Variants in XYLT1 observed in about 807,000 individuals in gnomAD.
The protein encoded by XYLT1 is beta-D-xylosyltransferase 1.
In XYLT1, 36 loss-of-function variants were observed where a neutral mutation model predicts 91.3. The observed-to-expected ratio is 0.39, with a 90% CI of 0.30 to 0.52. The LOEUF (loss-of-function observed/expected upper bound fraction) is 0.52. Ranked by LOEUF, XYLT1 falls within the 20% of genes least tolerant of loss-of-function variation. The pLI is 0.68. For synonymous variants in XYLT1, 588 were observed against 532.0 expected, an observed-to-expected ratio of 1.11 and a Z score of -1.45; for missense variants, 1,242 against 1,284.5, an observed-to-expected ratio of 0.97 and a Z score of 0.51.
intron 8 of XYLT1, among the ~76,000 whole-genome samples, chr16:17,135,172 A>G (rs1468508129): frequency 6.6e-6 from 1 of 152,166 alleles, no homozygotes; most frequent in Non-Finnish European, 1.5e-5. Flanking sequence ...GCTTCTCTTT[A>G]AACAGCAATA....
chr16:17,336,454 G>A (rs150042626), intron 2 of XYLT1, among the ~76,000 whole-genome samples: 167 of 152,288 alleles, frequency 1.1e-3, no homozygotes, highest in African/African-American at 3.9e-3. Context: ...CCAAAAAGCA[G>A]CAGGCAGGCA....
intron 3 of XYLT1, among the ~76,000 whole-genome samples, chr16:17,230,800 T>G (rs1053319055): frequency 6.6e-6 from 1 of 152,172 alleles, no homozygotes; most frequent in Non-Finnish European, 1.5e-5. Flanking sequence ...GCTAACTCAG[T>G]GGCCCTCAAC....
chr16:17,245,977 G>A (rs1253411586), intron 3 of XYLT1, among the ~76,000 whole-genome samples: 1 of 152,220 alleles, frequency 6.6e-6, no homozygotes, highest in Non-Finnish European at 1.5e-5. Context: ...GACTGTGTGG[G>A]TGGGTCTCAT....
chr16:17,118,024 G>A (rs1420522019), intron 10 of XYLT1, 45 bp from the exon 11 acceptor site: 2 of 1,568,232 alleles, frequency 1.3e-6, no homozygotes, highest in Admixed American at 1.8e-5. Context: ...CCTGAACTAG[G>A]GGGCTAGGTC....
intron 2 of XYLT1, among the ~76,000 whole-genome samples, chr16:17,353,437 G>A (rs1248013488): frequency 6.6e-6 from 1 of 152,204 alleles, no homozygotes; most frequent in African/African-American, 2.4e-5. Context: ...ATGATCAACT[G>A]TCTTGGGGAT....
In XYLT1 at chr16:17,303,830, A is replaced by AT. The variant is rs201749312; in HGVS notation, c.403-44333dup. Among the ~76,000 whole-genome samples, 749 of 152,228 alleles carry AT rather than the reference A, an allele frequency of 4.9e-3. 3 individuals are homozygous for AT. The highest frequency in any genetic ancestry group is 8.5e-3 in the Non-Finnish European group (578 of 68,008). ...CATTCTCCTGATTTTTCAGATGAAG[A>AT]TTTTTTTTCCCATCATTTTGACATT... is the stretch of plus-strand genomic sequence containing the variant. On this transcript the variant is annotated intron_variant, in intron 2 of 11. Coordinates refer to ENST00000261381, the MANE Select transcript of XYLT1 (RefSeq NM_022166.4).
intron 5 of XYLT1, among the ~76,000 whole-genome samples, chr16:17,174,003 C>G (rs1170901249): frequency 6.6e-6 from 1 of 152,072 alleles, no homozygotes; most frequent in Non-Finnish European, 1.5e-5. Context: ...CCCCAGGCTG[C>G]AATGTGCAGT....
chr16:17,116,141 T>C (rs1487525645), intron 11 of XYLT1, among the ~76,000 whole-genome samples: 2 of 152,180 alleles, frequency 1.3e-5, no homozygotes, highest in African/African-American at 2.4e-5. Flanking sequence ...CAGTGGTTTC[T>C]CTAGAGGTAG....
At chr16:17,266,837 C>T (rs912639280) in intron 2 of XYLT1, among the ~76,000 whole-genome samples, 1 of 152,192 alleles carries the variant, frequency 6.6e-6, no homozygotes, top group Admixed American at 6.5e-5. Context: ...CACCTGCTTC[C>T]AAAAGGACCT....
chr16:17,102,494 C>CA lies in XYLT1; in HGVS notation c.*6200dup, dbSNP rs1475897231. 2.0e-5 allele frequency: 3 copies of CA among 152,330 alleles called. No homozygotes were observed. Among genetic ancestry groups the CA allele is most frequent in the East Asian group, 3.9e-4 (2 of 5,190 alleles). The allele number at this position is 152,330 out of a possible 1,614,324, so 9.4% of individuals were successfully genotyped here. On this transcript the variant is annotated 3_prime_UTR_variant, in exon 12 of 12. Transcript: ENST00000261381. ...TCAGACAGAAACAAACTCCCCTAGA[C>CA]AAAAAAATACAGCTAAGGCACAATT...
intron 1 of XYLT1, among the ~76,000 whole-genome samples, chr16:17,449,860 T>G (rs1410256993): frequency 1.3e-5 from 2 of 152,200 alleles, no homozygotes; most frequent in Non-Finnish European, 2.9e-5. Context: ...AATGTCATCT[T>G]AAAGTGGGGT....
chr16:17,167,982 C>T (rs6498667), intron 5 of XYLT1, among the ~76,000 whole-genome samples: 148,679 of 152,320 alleles, frequency 0.98, 72,636 homozygotes, highest in Non-Finnish European at 1. Context: ...AAGGACCTTA[C>T]TGACATCTTC....
At chr16:17,117,146 T>C (rs1195485887) in intron 11 of XYLT1, among the ~76,000 whole-genome samples, 2 of 152,202 alleles carry the variant, frequency 1.3e-5, no homozygotes, top group Non-Finnish European at 2.9e-5. Flanking sequence ...CAAAAACAGG[T>C]AGTGGGCTGG....
chr16:17,156,449 G>A (rs1356698694), intron 6 of XYLT1, among the ~76,000 whole-genome samples: 1 of 152,238 alleles, frequency 6.6e-6, no homozygotes, highest in Non-Finnish European at 1.5e-5. Flanking sequence ...GAATACCAAT[G>A]TCTGAGCCAC....
chr16:17,175,011 A>T (rs2031908202), intron 5 of XYLT1, among the ~76,000 whole-genome samples: 1 of 152,256 alleles, frequency 6.6e-6, no homozygotes, highest in Non-Finnish European at 1.5e-5. Context: ...ACCTCAAGTT[A>T]CCGCCCTCTT....
intron 3 of XYLT1, among the ~76,000 whole-genome samples, chr16:17,255,028 G>C (rs914784757): frequency 9.3e-6 from 1 of 107,222 alleles, no homozygotes; most frequent in African/African-American, 3.8e-5. Flanking sequence ...ATGGAGTCTT[G>C]CTCTGTTGCC....
intron 2 of XYLT1, among the ~76,000 whole-genome samples, chr16:17,263,672 C>T (rs1016784047): frequency 2.0e-5 from 3 of 151,788 alleles, no homozygotes; most frequent in Non-Finnish European, 2.9e-5. Flanking sequence ...GTGACTGCGG[C>T]GTTCTCTCTG....
At chr16:17,403,871 C>T (rs972866193) in intron 1 of XYLT1, among the ~76,000 whole-genome samples, 6 of 152,224 alleles carry the variant, frequency 3.9e-5, no homozygotes, top group African/African-American at 7.2e-5. Flanking sequence ...CCTCCAAGAC[C>T]TCAGGTTCAT....
In XYLT1 at chr16:17,137,316, G is replaced by GGA. The variant is rs200277368; in HGVS notation, c.1764+1037_1764+1038dup. ...CAATGCCCACACAGCCCGGCACAGA[G>GGA]GAGATCAAACACAAACAAACAGCAT... is the stretch of plus-strand genomic sequence containing the variant. On this transcript the variant is annotated intron_variant, in intron 8 of 11. Transcript: ENST00000261381. Among the ~76,000 whole-genome samples, 35 of 152,276 alleles carry GGA rather than the reference G, an allele frequency of 2.3e-4. No individual in the cohort carries two copies. In the East Asian group the frequency reaches 6.8e-3, roughly 29 times the overall value.
Sources: gnomAD v4.1 joint callset for allele counts (sites outside exome capture counted in the v4.1 genomes callset) on GRCh38, gnomAD v4.1.1 for gene constraint, MANE v1.5 for transcripts, NCBI Gene and HGNC (gene_info 2026-07-23, HGNC 2026-07-21) for gene names.